MYLK: variants seen among roughly 807,000 people sequenced by gnomAD.
MYLK encodes the protein myosin light chain kinase, smooth muscle.
A neutral mutation model predicts 203.4 loss-of-function variants in MYLK; 106 were observed. The ratio of observed to expected loss-of-function variants is 0.52; its 90% CI spans 0.45 to 0.61. The LOEUF is 0.61. MYLK is among the 20% of genes least tolerant of loss of function. The pLI, the probability that MYLK is intolerant of heterozygous loss-of-function variation, is 0.00. For synonymous variants in MYLK, 867 were observed against 959.5 expected (o/e 0.90, Z 1.78); for missense variants, 2,072 against 2,442.3 (o/e 0.85, Z 3.20).
intron 5 of MYLK, among the ~76,000 whole-genome samples, chr3:123,743,358 A>G (rs1055117813): frequency 3.9e-5 from 6 of 152,230 alleles, no homozygotes; most frequent in Admixed American, 6.5e-5. Flanking sequence ...TCAGCTAAAA[A>G]TGGAATTGAT....
intron 4 of MYLK, among the ~76,000 whole-genome samples, chr3:123,768,257 C>G (rs369650392): frequency 2.0e-5 from 3 of 152,188 alleles, no homozygotes; most frequent in Non-Finnish European, 2.9e-5. Context: ...GTCAGGGTCC[C>G]CTTTCCAAGC....
chr3:123,780,840 T>A (rs1394843878), intron 4 of MYLK, among the ~76,000 whole-genome samples: 1 of 152,124 alleles, frequency 6.6e-6, no homozygotes, highest in Non-Finnish European at 1.5e-5. Flanking sequence ...CAAAGATGAA[T>A]AAGAGATTGT....
At chr3:123,638,440 G>A (rs41482946) in intron 28 of MYLK, among the ~76,000 whole-genome samples, 2,034 of 152,246 alleles carry the variant, frequency 0.013, 26 homozygotes, top group Middle Eastern at 0.044. Context: ...AGAAGAGGCC[G>A]CTAAATCACC....
intron 2 of MYLK, among the ~76,000 whole-genome samples, chr3:123,853,816 T>C (rs1384173040): frequency 6.6e-6 from 1 of 152,146 alleles, no homozygotes; most frequent in African/African-American, 2.4e-5. Flanking sequence ...CAGACTCTGA[T>C]AGATTCCAAA....
chr3:123,654,713 C>CTTTTTTTTTTTTTT (rs1201129769), intron 24 of MYLK, among the ~76,000 whole-genome samples: 1 of 125,284 alleles, frequency 8.0e-6, no homozygotes, highest in East Asian at 2.2e-4. Flanking sequence ...TTCTTTAATT[C>CTTTTTTTTTTTTTT]TTTTTTTTTT....
At chr3:123,645,494 G>A (rs1240064843) in intron 27 of MYLK, among the ~76,000 whole-genome samples, 2 of 152,136 alleles carry the variant, frequency 1.3e-5, no homozygotes, top group Non-Finnish European at 2.9e-5. Context: ...TGCTAACAGA[G>A]CCCTCACCAA....
At chr3:123,783,734 C>A (rs2064390817) in intron 4 of MYLK, among the ~76,000 whole-genome samples, 1 of 152,226 alleles carries the variant, frequency 6.6e-6, no homozygotes, top group African/African-American at 2.4e-5. Flanking sequence ...TCTTTCCCCT[C>A]CGTGCAACAG....
intron 1 of MYLK, among the ~76,000 whole-genome samples, chr3:123,880,234 C>G (rs1356936612): frequency 1.3e-5 from 2 of 152,056 alleles, no homozygotes; most frequent in Admixed American, 6.5e-5. Context: ...GGAACTGAAC[C>G]CAAGTTTAAC....
intron 5 of MYLK, among the ~76,000 whole-genome samples, chr3:123,751,695 G>C (rs2063197194): frequency 6.6e-6 from 1 of 152,196 alleles, no homozygotes; most frequent in South Asian, 2.1e-4. Flanking sequence ...CTTCCATTTA[G>C]TGGTGGGGGA....
intron 2 of MYLK, among the ~76,000 whole-genome samples, chr3:123,862,344 T>C (rs923953562): frequency 6.6e-6 from 1 of 152,244 alleles, no homozygotes; most frequent in Non-Finnish European, 1.5e-5. Context: ...AATCTTAAAA[T>C]AGCTGACACA....
chr3:123,797,050 AG>A (rs1276082036), intron 3 of MYLK, among the ~76,000 whole-genome samples: 1 of 152,224 alleles, frequency 6.6e-6, no homozygotes, highest in Non-Finnish European at 1.5e-5. Context: ...GTGGAATACC[AG>A]GTGGTTTTAT....
chr3:123,845,726 T>A (rs1410796800), intron 2 of MYLK, among the ~76,000 whole-genome samples: 3 of 152,094 alleles, frequency 2.0e-5, no homozygotes, highest in African/African-American at 7.2e-5. Flanking sequence ...CAATCATAGC[T>A]AACTGCAGGC....
At chr3:123,878,435 T>C (rs574264345) in intron 1 of MYLK, among the ~76,000 whole-genome samples, 2 of 152,276 alleles carry the variant, frequency 1.3e-5, no homozygotes, top group Admixed American at 1.3e-4. Context: ...GCACTCGGTA[T>C]CCAGGGGCCC....
intron 2 of MYLK, among the ~76,000 whole-genome samples, chr3:123,846,409 T>G (rs2030002532): frequency 6.6e-6 from 1 of 152,242 alleles, no homozygotes; most frequent in East Asian, 1.9e-4. Flanking sequence ...GAGATTGATC[T>G]CTTAAGAAAT....
intron 4 of MYLK, among the ~76,000 whole-genome samples, chr3:123,761,764 G>A (rs1468752537): frequency 1.3e-5 from 2 of 152,288 alleles, no homozygotes; most frequent in Admixed American, 6.5e-5. Context: ...AGTAGCTCAC[G>A]CCTGTAATCC....
intron 2 of MYLK, among the ~76,000 whole-genome samples, chr3:123,865,749 T>C (rs1013833053): frequency 2.0e-5 from 3 of 152,178 alleles, no homozygotes; most frequent in African/African-American, 4.8e-5. Context: ...TTTTAAAACA[T>C]GGTCTCAAAA....
intron 33 of MYLK, among the ~76,000 whole-genome samples, chr3:123,615,964 G>T (rs1268260550): frequency 6.6e-6 from 1 of 152,156 alleles, no homozygotes; most frequent in Non-Finnish European, 1.5e-5. Context: ...TTTCAATTTT[G>T]TATAATAGTT....
At chr3:123,745,170 T>C (rs1465856600) in intron 5 of MYLK, among the ~76,000 whole-genome samples, 2 of 152,144 alleles carry the variant, frequency 1.3e-5, no homozygotes, top group Non-Finnish European at 2.9e-5. Flanking sequence ...CACCGATTTA[T>C]ATATTTGTGG....
chr3:123,737,198 G>A lies in MYLK; in HGVS notation c.754+180C>T, dbSNP rs367685198. ...CATGTCACTGCACTCCAGCATGGGC[G>A]ACAGAGCAAGACTCTGTCTGAAGAG... On this transcript the variant is annotated intron_variant, in intron 8 of 33. Coordinates refer to ENST00000360304, the MANE Select transcript of MYLK (RefSeq NM_053025.4). The A allele has an allele frequency of 7.6e-4, 501 of 661,224 alleles. 3 individuals carry two copies. The African/African-American group carries it at 8.3e-3, about 11-fold the overall frequency. 41.0% of individuals were successfully genotyped at this position (661,224 alleles called of 1,614,324 possible).
Sources: gnomAD v4.1 joint callset for allele counts (sites outside exome capture counted in the v4.1 genomes callset) on GRCh38, gnomAD v4.1.1 for gene constraint, MANE v1.5 for transcripts, NCBI Gene and HGNC (gene_info 2026-07-23, HGNC 2026-07-21) for gene names.